Variants in HEATR1 observed in about 807,000 individuals in gnomAD.
The protein encoded by HEATR1 is HEAT repeat containing 1.
A neutral mutation model predicts 248.2 loss-of-function variants in HEATR1; 77 were observed. The observed-to-expected ratio is 0.31, with a 90% CI of 0.26 to 0.37. The LOEUF (loss-of-function observed/expected upper bound fraction) is 0.37. HEATR1 is among the 10% of genes least tolerant of loss of function. The pLI is 1.00. For synonymous variants in HEATR1, 897 were observed against 923.1 expected (o/e 0.97, Z 0.51); for missense variants, 2,420 against 2,504.9 (o/e 0.97, Z 0.72).
At position 236,559,129 on chromosome 1, in the gene HEATR1, C is replaced by G; in HGVS notation, c.4777G>C (p.Ala1593Pro). Residue 1593 changes from alanine to proline, a missense_variant, in exon 35 of 45, where the codon GCC becomes CCC. Physicochemically the swap from Ala to Pro is conservative, Grantham distance 27. Coordinates refer to ENST00000366582, the MANE Select transcript of HEATR1 (RefSeq NM_018072.6). Reference sequence around the variant, plus strand: ...ATGAATGTCTCTGTGGGCAGCAAGGCATTGACCTAAAGAGAAATTTTATAT... The same window carrying G: ...ATGAATGTCTCTGTGGGCAGCAAGGGATTGACCTAAAGAGAAATTTTATAT... ...KAYDLLDKVN[A>P]LLPTETFIPV... The G allele has an allele frequency of 2.6e-6, 4 of 1,565,180 alleles. No homozygotes were observed. The highest frequency in any genetic ancestry group is 3.4e-6 in the Non-Finnish European group (4 of 1,163,992).
rs770512885 is a variant in HEATR1 at position 236,559,854 on chromosome 1, C to T, written c.4647-17G>A. ...TCCAGCAACCTGAAACACAGAGGCT[C>T]GCTCAGCAAACGGCAGCTGAAGGCA... On this transcript the variant is annotated splice_polypyrimidine_tract_variant and intron_variant, in intron 33 of 44. Coordinates refer to ENST00000366582, the MANE Select transcript of HEATR1 (RefSeq NM_018072.6). The T allele has an allele frequency of 1.9e-6, 3 of 1,585,378 alleles. No homozygotes were observed. The highest frequency in any genetic ancestry group is 1.7e-5 in the Admixed American group (1 of 57,450).
chr1:236,588,140 G>C, intron 12 of HEATR1, 97 bp from the exon 13 acceptor site: 1 of 831,196 alleles, frequency 1.2e-6, no homozygotes, highest in Non-Finnish European at 1.9e-6. Context: ...AAACACTCCA[G>C]AATGACAGTC....
At position 236,578,098 on chromosome 1, in the gene HEATR1, G is replaced by C. The variant is rs116510130; in HGVS notation, c.2756-1149C>G. Among the ~76,000 whole-genome samples, 765 of 152,224 alleles carry C rather than the reference G, an allele frequency of 5.0e-3. 6 individuals carry two copies. Among genetic ancestry groups the C allele is most frequent in the Non-Finnish European group, 5.8e-3 (397 of 68,008 alleles). On this transcript the variant is annotated intron_variant, in intron 20 of 44. Coordinates refer to ENST00000366582, the MANE Select transcript of HEATR1 (RefSeq NM_018072.6). ...GCCCTCCTCACTCTAAGTGAATTTA[G>C]AAAGTACCTCTCTCTATATTTAGAG...
intron 32 of HEATR1, among the ~76,000 whole-genome samples, chr1:236,561,892 T>G (rs1484163188): frequency 6.6e-6 from 1 of 152,228 alleles, no homozygotes; most frequent in Non-Finnish European, 1.5e-5. Flanking sequence ...CCCCTTTTAC[T>G]AATAATGCTA....
chr1:236,599,599 C>G lies in HEATR1; in HGVS notation c.385G>C (p.Asp129His), dbSNP rs754640629. 1 of 1,613,094 alleles carries G rather than the reference C, an allele frequency of 6.2e-7. No individual in the cohort carries two copies. The highest frequency in any genetic ancestry group is 8.5e-7 in the Non-Finnish European group (1 of 1,179,456). ...HRFHIHLYNQ[D>H]SLIACVLPYH... ...GGCAGAACACAAGCAATGAGGCTAT[C>G]TTGATTATAGAGATGTATATGGAAC... is the stretch of plus-strand genomic sequence containing the variant. Residue 129 changes from aspartate (D) to histidine (H), a missense_variant, in exon 4 of 45, where the codon GAT (aspartate) becomes CAT (histidine). Physicochemically the swap from Asp to His is moderately conservative, Grantham distance 81. Coordinates refer to ENST00000366582, the MANE Select transcript of HEATR1 (RefSeq NM_018072.6).
chr1:236,589,730 C>T (rs1162866820), intron 12 of HEATR1, among the ~76,000 whole-genome samples: 4 of 152,186 alleles, frequency 2.6e-5, no homozygotes, highest in Non-Finnish European at 4.4e-5. Flanking sequence ...AACCGCTTTA[C>T]TCTGTTCCAG....
At chr1:236,564,387 G>T in intron 32 of HEATR1, 111 bp downstream of exon 32, 1 of 839,766 alleles carries the variant, frequency 1.2e-6, no homozygotes, top group East Asian at 2.6e-5. Flanking sequence ...ATCTTTAAAG[G>T]CGTGCCTCCC....
Position 236,571,402 on chromosome 1 carries a change from C to T in HEATR1, c.3897G>A (p.Gln1299=), listed in dbSNP as rs1020200389. Residue 1299 remains glutamine (Q), a synonymous_variant, in exon 28 of 45, where the codon CAG becomes CAA. Transcript: ENST00000366582. ...VQCIRLSEMP[Q]THHHALLLLG... ...AAAGTAAAAGGGCATGGTGATGGGTCTGCGGCATCTCCGAAAGGCGGATGC... is the reference window on the plus strand; with the variant it reads ...AAAGTAAAAGGGCATGGTGATGGGTTTGCGGCATCTCCGAAAGGCGGATGC... 20 of 1,613,314 alleles carry T rather than the reference C, an allele frequency of 1.2e-5. No individual in the cohort carries two copies. The highest frequency in any genetic ancestry group is 1.6e-5 in the Non-Finnish European group (19 of 1,179,862).
intron 28 of HEATR1, among the ~76,000 whole-genome samples, chr1:236,570,998 G>C (rs1663410868): frequency 6.6e-6 from 1 of 152,164 alleles, no homozygotes; most frequent in Non-Finnish European, 1.5e-5. Flanking sequence ...GATTACTTGA[G>C]GATAAATGAG....
At position 236,551,057 on chromosome 1, in the gene HEATR1, TTTAA is replaced by T. The variant is rs1572027208; in HGVS notation, c.6347-71_6347-68del. ...GTCCGCCTGCCTCGGTTCTCATTAG[TTTAA>T]TTCTTAATGCCTTGCACTTTCCGGC... On this transcript the variant is annotated intron_variant, in intron 44 of 44. Transcript: ENST00000366582. The T allele has an allele frequency of 9.5e-6, 12 of 1,257,360 alleles. No homozygotes were observed. In the East Asian group the frequency reaches 1.5e-4, roughly 15 times the overall value. The allele number at this position is 1,257,360 out of a possible 1,614,324, so 77.9% of individuals were successfully genotyped here. A position where few individuals can be genotyped will look rare whatever the true frequency, so the allele number is the denominator to read the frequency against.
rs1423746085 is a variant in HEATR1 at position 236,574,270 on chromosome 1, A to G, written c.3391T>C (p.Leu1131=). The G allele has an allele frequency of 1.9e-6, 3 of 1,613,008 alleles. No individual in the cohort carries two copies. In the Admixed American group the frequency reaches 5.0e-5, roughly 27 times the overall value. The stretch of plus-strand genomic sequence containing the variant: ...TTACAGTTCACCAATAAATCAAACA[A>G]CATTCTTAAAAGCTTCTGCTGAACT... ...EKVQQKLLRM[L]FDLLVNCKNS... Residue 1131 remains leucine, a synonymous_variant, in exon 24 of 45, where the codon TTG becomes CTG. Transcript: ENST00000366582.
chr1:236,574,161 T>C (rs757716443), intron 24 of HEATR1, 41 bp downstream of exon 24: 1 of 1,560,034 alleles, frequency 6.4e-7, no homozygotes, highest in Admixed American at 2.0e-5. Context: ...GAAGAGACTA[T>C]AAACATTAAT....
At chr1:236,577,209 T>C (rs1663586140) in intron 20 of HEATR1, among the ~76,000 whole-genome samples, 1 of 152,206 alleles carries the variant, frequency 6.6e-6, no homozygotes, top group East Asian at 1.9e-4. Flanking sequence ...CATTGCGCAA[T>C]GGTGCAATCT....
At chr1:236,599,297 G>A (rs1223088913) in intron 4 of HEATR1, among the ~76,000 whole-genome samples, 186 bp downstream of exon 4, 1 of 152,126 alleles carries the variant, frequency 6.6e-6, no homozygotes, top group Non-Finnish European at 1.5e-5. Flanking sequence ...CTAGCCTGAT[G>A]TCAGATACTA....
chr1:236,591,967 C>A, intron 11 of HEATR1, 26 bp downstream of exon 11: 1 of 1,392,354 alleles, frequency 7.2e-7, no homozygotes, highest in South Asian at 1.2e-5. Flanking sequence ...CCCAAATTGT[C>A]ATAATTCCTT....
chr1:236,552,165 A>C, intron 43 of HEATR1, 58 bp from the exon 44 acceptor site: 1 of 1,164,210 alleles, frequency 8.6e-7, no homozygotes. Flanking sequence ...TTATTATCTT[A>C]AGAGCTGTAC....
Position 236,597,699 on chromosome 1 carries a change from TAA to T in HEATR1, c.603+177_603+178del, listed in dbSNP as rs5781901. 2.0e-3 allele frequency among the ~76,000 whole-genome samples: 295 copies of T among 146,172 alleles called. 1 individual carries two copies. The highest frequency in any genetic ancestry group is 0.016 in the South Asian group (75 of 4,602). On this transcript the variant is annotated intron_variant, in intron 5 of 44. Coordinates refer to ENST00000366582, the MANE Select transcript of HEATR1 (RefSeq NM_018072.6). ...CCTTTGGTGATAAAAGACTGATTCT[TAA>T]AAAAAAAAAAAAAGATACGGACTCT...
intron 3 of HEATR1, among the ~76,000 whole-genome samples, chr1:236,601,605 A>G (rs901894641): frequency 6.6e-6 from 1 of 152,118 alleles, no homozygotes; most frequent in Non-Finnish European, 1.5e-5. Flanking sequence ...CAGGAGTTCC[A>G]GACCAGCCTG....
intron 8 of HEATR1, among the ~76,000 whole-genome samples, chr1:236,595,160 CTT>C (rs991541827): frequency 6.6e-6 from 1 of 152,006 alleles, no homozygotes; most frequent in South Asian, 2.1e-4. Context: ...AGGGAAAAAA[CTT>C]TTTTGGCAAC....
Sources: gnomAD v4.1 joint callset for allele counts (sites outside exome capture counted in the v4.1 genomes callset) on GRCh38, gnomAD v4.1.1 for gene constraint, MANE v1.5 for transcripts, NCBI Gene and HGNC (gene_info 2026-07-23, HGNC 2026-07-21) for gene names.